Variants in SORCS2 observed in about 807,000 individuals in gnomAD.
SORCS2 encodes the protein VPS10 domain-containing receptor SorCS2.
Under a neutral mutation model 141.6 loss-of-function variants are expected in SORCS2, and 100 were observed. The observed-to-expected ratio is 0.71, with a 90% CI of 0.60 to 0.83. The LOEUF is 0.83. SORCS2 is among the 40% of genes least tolerant of loss of function. The probability of loss-of-function intolerance (pLI) is 0.00; values close to 1 mark genes in which losing one functional copy is unlikely to be tolerated. For synonymous variants in SORCS2, 789 were observed against 676.9 expected, an observed-to-expected ratio of 1.17 and a Z score of -2.57; for missense variants, 1,646 against 1,560.2, an observed-to-expected ratio of 1.05 and a Z score of -0.93.
At chr4:7,654,236 T>C (rs767970555) in intron 5 of SORCS2, 29 bp downstream of exon 5, 42 of 1,557,854 alleles carry the variant, frequency 2.7e-5, no homozygotes, top group Admixed American at 7.7e-5. Context: ...CCCAAACCCA[T>C]GGGGCCCGCA....
chr4:7,733,226 CCTCA>C (rs1365258740), intron 23 of SORCS2, 92 bp from the exon 24 acceptor site: 1 of 853,464 alleles, frequency 1.2e-6, no homozygotes, highest in East Asian at 3.1e-5. Flanking sequence ...CGTGGAGACC[CCTCA>C]CTCCCCTCCT....
intron 2 of SORCS2, among the ~76,000 whole-genome samples, chr4:7,407,904 AG>A (rs1725071625): frequency 1.3e-5 from 2 of 151,968 alleles, no homozygotes; most frequent in South Asian, 4.2e-4. Flanking sequence ...GTTATTTTAA[AG>A]TGATAATAAT....
At chr4:7,488,107 T>A (rs919743917) in intron 2 of SORCS2, among the ~76,000 whole-genome samples, 3 of 152,126 alleles carry the variant, frequency 2.0e-5, no homozygotes, top group African/African-American at 4.8e-5. Context: ...GGTTCGGAAA[T>A]TAAGGCAATC....
intron 3 of SORCS2, among the ~76,000 whole-genome samples, chr4:7,582,852 T>C (rs1212797977): frequency 2.0e-5 from 3 of 152,102 alleles, no homozygotes; most frequent in African/African-American, 7.2e-5. Flanking sequence ...GCAAGCAGCC[T>C]GATTGGCCCA....
intron 1 of SORCS2, among the ~76,000 whole-genome samples, chr4:7,275,423 G>A (rs1715439376): frequency 6.6e-6 from 1 of 152,120 alleles, no homozygotes; most frequent in Non-Finnish European, 1.5e-5. Flanking sequence ...CTGGCTCAGG[G>A]CTGGACACTG....
chr4:7,625,399 A>G (rs983427827), intron 3 of SORCS2, among the ~76,000 whole-genome samples: 2 of 152,120 alleles, frequency 1.3e-5, no homozygotes, highest in Non-Finnish European at 2.9e-5. Flanking sequence ...AAGAGAGACA[A>G]GAACATCTCC....
At chr4:7,304,895 T>C (rs147311721) in intron 1 of SORCS2, among the ~76,000 whole-genome samples, 2 of 152,226 alleles carry the variant, frequency 1.3e-5, no homozygotes, top group African/African-American at 4.8e-5. Flanking sequence ...TGGGGCTGGG[T>C]TGTCCTGGGG....
intron 1 of SORCS2, among the ~76,000 whole-genome samples, chr4:7,258,287 A>G (rs1270994324): frequency 6.6e-6 from 1 of 152,048 alleles, no homozygotes; most frequent in Non-Finnish European, 1.5e-5. Context: ...TCCTAGTGCT[A>G]TCCCTTCCCT....
intron 9 of SORCS2, among the ~76,000 whole-genome samples, chr4:7,679,749 C>CTTTTTT (rs55936772): frequency 7.1e-6 from 1 of 141,288 alleles, no homozygotes. Context: ...ACTTGTGGGA[C>CTTTTTT]TTTTTTTTTT....
At chr4:7,210,118 G>A (rs950805372) in intron 1 of SORCS2, among the ~76,000 whole-genome samples, 2 of 152,248 alleles carry the variant, frequency 1.3e-5, no homozygotes, top group African/African-American at 4.8e-5. Flanking sequence ...GTCTCTCAGA[G>A]GAGGTGGCAT....
chr4:7,262,389 TCCATC>T (rs1467738821), intron 1 of SORCS2, among the ~76,000 whole-genome samples: 23 of 100,812 alleles, frequency 2.3e-4, no homozygotes, highest in East Asian at 1.5e-3. Flanking sequence ...CATCCATCCA[TCCATC>T]CATCCATCCA....
chr4:7,224,889 G>C (rs35819894), intron 1 of SORCS2, among the ~76,000 whole-genome samples: 2 of 152,092 alleles, frequency 1.3e-5, no homozygotes, highest in Non-Finnish European at 2.9e-5. Context: ...CATTAATTAT[G>C]AGTTGTTTTT....
intron 2 of SORCS2, among the ~76,000 whole-genome samples, chr4:7,472,098 T>A (rs1452173700): frequency 6.6e-6 from 1 of 152,214 alleles, no homozygotes; most frequent in Non-Finnish European, 1.5e-5. Flanking sequence ...CACCAGCCTG[T>A]GGCCCAGGAC....
At chr4:7,682,047 C>T (rs1243968084) in intron 9 of SORCS2, among the ~76,000 whole-genome samples, 1 of 152,208 alleles carries the variant, frequency 6.6e-6, no homozygotes, top group Non-Finnish European at 1.5e-5. Context: ...TCTCTGGGAG[C>T]AAACCACTCG....
intron 2 of SORCS2, among the ~76,000 whole-genome samples, chr4:7,424,771 C>T (rs1175307301): frequency 1.3e-5 from 2 of 152,208 alleles, no homozygotes; most frequent in East Asian, 1.9e-4. Context: ...TCCTTAAGCC[C>T]TCCCTACCAT....
chr4:7,297,385 T>C (rs934484740), intron 1 of SORCS2, among the ~76,000 whole-genome samples: 5 of 151,872 alleles, frequency 3.3e-5, no homozygotes, highest in African/African-American at 1.2e-4. Context: ...AATACCACTT[T>C]TGTGCTTTTT....
chr4:7,305,323 G>A (rs1265645342), intron 1 of SORCS2, among the ~76,000 whole-genome samples: 3 of 143,950 alleles, frequency 2.1e-5, no homozygotes, highest in African/African-American at 5.0e-5. Context: ...GAGCCACCAC[G>A]CACGGCCCAT....
chr4:7,463,813 A>T (rs1268900612), intron 2 of SORCS2, among the ~76,000 whole-genome samples: 1 of 152,146 alleles, frequency 6.6e-6, no homozygotes, highest in Non-Finnish European at 1.5e-5. Context: ...CCGCCTACAT[A>T]CTGATGCGTG....
chr4:7,284,009 T>C (rs1716050269), intron 1 of SORCS2, among the ~76,000 whole-genome samples: 1 of 152,192 alleles, frequency 6.6e-6, no homozygotes, highest in Admixed American at 6.5e-5. Flanking sequence ...GGGATGGGGA[T>C]GTACAACGTT....
Sources: allele counts gnomAD v4.1 joint callset (sites outside exome capture counted in the v4.1 genomes callset), GRCh38; gene constraint gnomAD v4.1.1; transcripts MANE v1.5; gene names NCBI Gene and HGNC (gene_info 2026-07-23, HGNC 2026-07-21).